MAST4: variants seen among roughly 807,000 people sequenced by gnomAD.
MAST4 encodes microtubule associated serine/threonine kinase family member 4.
A neutral mutation model predicts 162.7 loss-of-function variants in MAST4; 89 were observed. The ratio of observed to expected loss-of-function variants is 0.55; its 90% CI spans 0.46 to 0.65. The LOEUF (loss-of-function observed/expected upper bound fraction) is 0.65, where lower values mean the gene tolerates loss of function less well. MAST4 is among the 30% of genes least tolerant of loss of function. MAST4 has a pLI of 0.00. For missense variants in MAST4, 3,153 were observed against 3,374.0 expected (o/e 0.93, Z 1.62); for synonymous variants, 1,479 against 1,361.1 (o/e 1.09, Z -1.91).
At chr5:66,898,074 G>A (rs1051168834) in intron 3 of MAST4, among the ~76,000 whole-genome samples, 1 of 152,162 alleles carries the variant, frequency 6.6e-6, no homozygotes, top group Admixed American at 6.6e-5. Context: ...GCGGCTGTCA[G>A]ATCAGCTTAT....
At chr5:66,722,466 T>TTA (rs397704800) in intron 1 of MAST4, among the ~76,000 whole-genome samples, 1 of 151,340 alleles carries the variant, frequency 6.6e-6, no homozygotes, top group Non-Finnish European at 1.5e-5. Context: ...TTTTTTTTTT[T>TTA]ACATAGTATT....
intron 1 of MAST4, among the ~76,000 whole-genome samples, chr5:66,660,473 A>G (rs146207487): frequency 1.8e-3 from 272 of 152,338 alleles, no homozygotes; most frequent in Non-Finnish European, 2.9e-3. Flanking sequence ...TCTATTCTCC[A>G]AAACCAGGGG....
chr5:67,165,797 G>C lies in MAST4; in HGVS notation c.6618G>C (p.Lys2206Asn), dbSNP rs1454342005. Residue 2206 changes from lysine to asparagine, a missense_variant, in exon 29 of 29, where the codon AAG becomes AAC. Transcript: ENST00000403625. The part of the protein sequence containing the change: ...PGPDPGPPKT[K>N]HPDRSLSSQK... The stretch of plus-strand genomic sequence containing the variant: ...CTGACCCGGGCCCTCCAAAGACTAA[G>C]CACCCCGACCGGTCCCTCTCCTCTC... 6.2e-7 allele frequency: 1 copy of C among 1,609,954 alleles called. No homozygotes were observed. Among genetic ancestry groups the C allele is most frequent in the South Asian group, 1.1e-5 (1 of 90,590 alleles).
intron 2 of MAST4, among the ~76,000 whole-genome samples, chr5:66,781,051 C>T (rs1425932966): frequency 6.6e-6 from 1 of 152,176 alleles, no homozygotes; most frequent in South Asian, 2.1e-4. Context: ...AGGTACCTTC[C>T]TTTTTGAGGC....
intron 2 of MAST4, among the ~76,000 whole-genome samples, chr5:66,761,562 T>C (rs75969851): frequency 1.5e-5 from 2 of 131,762 alleles, no homozygotes; most frequent in African/African-American, 5.7e-5. Flanking sequence ...GAATTACTCA[T>C]TTTTTTTTTT....
chr5:67,019,909 A>AT (rs1753771670), intron 4 of MAST4, among the ~76,000 whole-genome samples: 1 of 152,196 alleles, frequency 6.6e-6, no homozygotes, highest in Non-Finnish European at 1.5e-5. Context: ...GAGGAAATTA[A>AT]TATTTAGGTA....
chr5:66,903,656 A>C (rs1421449938), intron 4 of MAST4, among the ~76,000 whole-genome samples: 1 of 152,190 alleles, frequency 6.6e-6, no homozygotes. Context: ...GGATGAAGCA[A>C]AGGAGATAAT....
intron 1 of MAST4, among the ~76,000 whole-genome samples, chr5:66,729,069 A>G (rs1409450752): frequency 1.3e-5 from 2 of 152,220 alleles, no homozygotes. Context: ...CGTAATAGTG[A>G]GCTCTTAAAT....
intron 1 of MAST4, among the ~76,000 whole-genome samples, chr5:66,702,101 A>G (rs1410141814): frequency 6.6e-6 from 1 of 152,126 alleles, no homozygotes; most frequent in East Asian, 1.9e-4. Flanking sequence ...TCATGATAGA[A>G]AAAGTCTATA....
chr5:66,818,311 T>C (rs942115483), intron 3 of MAST4, among the ~76,000 whole-genome samples: 10 of 151,868 alleles, frequency 6.6e-5, no homozygotes, highest in Non-Finnish European at 1.2e-4. Flanking sequence ...CTCATCAGAG[T>C]CTTAGGGAAG....
chr5:66,922,629 C>G (rs939180338), intron 4 of MAST4, among the ~76,000 whole-genome samples: 1 of 152,132 alleles, frequency 6.6e-6, no homozygotes, highest in African/African-American at 2.4e-5. Context: ...CTAGTATTGC[C>G]TTTGTTAAAG....
At chr5:67,074,695 C>G (rs1208142335) in intron 5 of MAST4, among the ~76,000 whole-genome samples, 1 of 152,062 alleles carries the variant, frequency 6.6e-6, no homozygotes, top group Non-Finnish European at 1.5e-5. Context: ...GGACACAAAA[C>G]AGTATGGTTT....
At chr5:66,777,434 C>T (rs755445192) in intron 2 of MAST4, among the ~76,000 whole-genome samples, 9 of 152,160 alleles carry the variant, frequency 5.9e-5, no homozygotes, top group Non-Finnish European at 1.0e-4. Flanking sequence ...CATTGTACAG[C>T]ATGTTTATGG....
At chr5:66,851,502 C>G (rs529187425) in intron 3 of MAST4, among the ~76,000 whole-genome samples, 2 of 152,302 alleles carry the variant, frequency 1.3e-5, no homozygotes, top group South Asian at 4.1e-4. Flanking sequence ...CAGATGCATT[C>G]TTTTTGTGTT....
chr5:66,995,480 T>G (rs1240718128), intron 4 of MAST4, among the ~76,000 whole-genome samples: 1 of 152,170 alleles, frequency 6.6e-6, no homozygotes, highest in African/African-American at 2.4e-5. Flanking sequence ...CTTTGCTCAC[T>G]GCAAAATCCA....
chr5:66,723,215 A>C (rs1751322088), intron 1 of MAST4, among the ~76,000 whole-genome samples: 1 of 152,178 alleles, frequency 6.6e-6, no homozygotes, highest in South Asian at 2.1e-4. Context: ...TTAAGGTATA[A>C]GTTCTTGGAA....
Position 66,808,134 on chromosome 5 carries a change from G to T in MAST4, c.642+19340G>T, listed in dbSNP as rs137884477. On this transcript the variant is annotated intron_variant, in intron 3 of 28. Coordinates refer to ENST00000403625, the MANE Select transcript of MAST4 (RefSeq NM_001164664.2). ...GTCACAGTCTTCAGCTCGCCAAGTGGGAGACATGAATCTAATCATTCTGTC... is the reference window on the plus strand; with the variant it reads ...GTCACAGTCTTCAGCTCGCCAAGTGTGAGACATGAATCTAATCATTCTGTC... Among the ~76,000 whole-genome samples, 31 of 152,310 alleles carry T rather than the reference G, an allele frequency of 2.0e-4. 1 individual carries two copies. The East Asian group carries it at 4.6e-3, about 23-fold the overall frequency.
intron 4 of MAST4, among the ~76,000 whole-genome samples, chr5:66,960,207 G>A (rs1396280462): frequency 6.6e-6 from 1 of 152,192 alleles, no homozygotes; most frequent in Non-Finnish European, 1.5e-5. Context: ...AATGAGAACT[G>A]TGCTTGGTTC....
chr5:66,720,936 C>T (rs1486101035), intron 1 of MAST4, among the ~76,000 whole-genome samples: 4 of 152,086 alleles, frequency 2.6e-5, no homozygotes, highest in Non-Finnish European at 5.9e-5. Context: ...CAGAGACTCC[C>T]CCATCCCATT....
Sources: gnomAD v4.1 joint callset for allele counts (sites outside exome capture counted in the v4.1 genomes callset) on GRCh38, gnomAD v4.1.1 for gene constraint, MANE v1.5 for transcripts, NCBI Gene and HGNC (gene_info 2026-07-23, HGNC 2026-07-21) for gene names.